ERCC8: variants seen among roughly 807,000 people sequenced by gnomAD.
ERCC8 encodes the protein DNA excision repair protein ERCC-8.
A neutral mutation model predicts 54.9 loss-of-function variants in ERCC8; 52 were observed. That is an observed-to-expected ratio of 0.95 (90% confidence interval 0.76 to 1.19). ERCC8 has a LOEUF of 1.19. Among genes scored for constraint, ERCC8 ranks in the 50% most tolerant of loss-of-function variants. The probability of loss-of-function intolerance (pLI) is 0.00; values close to 1 mark genes in which losing one functional copy is unlikely to be tolerated. For synonymous variants in ERCC8, 146 were observed against 157.2 expected (o/e 0.93, Z 0.53); for missense variants, 514 against 466.1 (o/e 1.10, Z -0.95).
chr5:60,938,807 G>C (rs1750170763), intron 1 of ERCC8, among the ~76,000 whole-genome samples: 1 of 152,074 alleles, frequency 6.6e-6, no homozygotes. Flanking sequence ...TATATATGTA[G>C]CTTTATATAA....
chr5:60,940,947 C>T (rs1267012866), intron 1 of ERCC8, among the ~76,000 whole-genome samples: 1 of 152,112 alleles, frequency 6.6e-6, no homozygotes. Flanking sequence ...ACAAACAAAA[C>T]AAGCCAAAGC....
At position 60,874,433 on chromosome 5, in the gene ERCC8, TA is replaced by T; in HGVS notation, c.*181del. ...GATCAAGGAACACATTTTGACTAAA[TA>T]AACTATACAGAAGTCTGTTTTAGGA... On this transcript the variant is annotated 3_prime_UTR_variant, in exon 12 of 12. Transcript: ENST00000676185. 1.7e-6 allele frequency: 1 copy of T among 600,290 alleles called. No individual in the cohort carries two copies. The highest frequency in any genetic ancestry group is 2.9e-6 in the Non-Finnish European group (1 of 340,918). 37.2% of individuals were successfully genotyped at this position (600,290 alleles called of 1,614,324 possible).
At position 60,913,899 on chromosome 5, in the gene ERCC8, G is replaced by A. The variant is rs367990538; in HGVS notation, c.399+4366C>T. Among the ~76,000 whole-genome samples the A allele has an allele frequency of 1.6e-3, 238 of 152,200 alleles. 3 individuals carry two copies. Among genetic ancestry groups the A allele is most frequent in the African/African-American group, 5.6e-3 (231 of 41,494 alleles). On this transcript the variant is annotated intron_variant, in intron 4 of 11. Coordinates refer to ENST00000676185, the MANE Select transcript of ERCC8 (RefSeq NM_000082.4). ...TTGTTCAGTTCCCACGCAGTTGTGT[G>A]GTTTTGAGTTAGTTTCTTAATCCTG...
At chr5:60,932,953 C>T (rs1038800777) in intron 1 of ERCC8, among the ~76,000 whole-genome samples, 1 of 152,130 alleles carries the variant, frequency 6.6e-6, no homozygotes, top group African/African-American at 2.4e-5. Context: ...CTTTTAAAAT[C>T]ACCTTTCCAA....
intron 4 of ERCC8, among the ~76,000 whole-genome samples, chr5:60,908,814 A>G (rs1298620396): frequency 2.6e-5 from 4 of 152,116 alleles, no homozygotes; most frequent in Admixed American, 6.6e-5. Flanking sequence ...CATTATGAAA[A>G]AAGAAAATTT....
At chr5:60,880,984 T>G (rs535766968) in intron 11 of ERCC8, among the ~76,000 whole-genome samples, 3 of 152,228 alleles carry the variant, frequency 2.0e-5, no homozygotes, top group East Asian at 1.9e-4. Context: ...TTTTTCCCCA[T>G]CTTTGTGGTT....
chr5:60,927,066 A>G (rs1339285579), intron 2 of ERCC8, among the ~76,000 whole-genome samples: 2 of 152,244 alleles, frequency 1.3e-5, no homozygotes, highest in Non-Finnish European at 2.9e-5. Flanking sequence ...AAATTAACTT[A>G]GAAGAATTTA....
In ERCC8 at chr5:60,945,022, A is replaced by T. The variant is rs1171364657; in HGVS notation, c.-14T>A. 1 of 1,611,798 alleles carries T rather than the reference A, an allele frequency of 6.2e-7. No individual in the cohort carries two copies. The highest frequency in any genetic ancestry group is 1.3e-5 in the African/African-American group (1 of 74,980). ...AAACCCCAGCATATCGTGTCCTCAC[A>T]CCGGCTGGAGCACTGGACGTCGCCA... On this transcript the variant is annotated 5_prime_UTR_variant, in exon 1 of 12. Coordinates refer to ENST00000676185, the MANE Select transcript of ERCC8 (RefSeq NM_000082.4).
chr5:60,875,305 G>A (rs948069293), intron 11 of ERCC8, among the ~76,000 whole-genome samples: 2 of 152,166 alleles, frequency 1.3e-5, no homozygotes, highest in Non-Finnish European at 2.9e-5. Flanking sequence ...AGTAAAACAT[G>A]CAAAATACGT....
intron 2 of ERCC8, among the ~76,000 whole-genome samples, chr5:60,925,203 C>T (rs542713219): frequency 1.6e-4 from 25 of 152,244 alleles, no homozygotes; most frequent in African/African-American, 5.8e-4. Flanking sequence ...TCCTCTTCTT[C>T]CCTTAAAAAT....
chr5:60,933,985 T>C (rs920190297), intron 1 of ERCC8, among the ~76,000 whole-genome samples: 1 of 152,178 alleles, frequency 6.6e-6, no homozygotes, highest in Non-Finnish European at 1.5e-5. Flanking sequence ...CACTTGTTGA[T>C]TGATATGCAT....
intron 11 of ERCC8, among the ~76,000 whole-genome samples, chr5:60,883,360 A>G (rs1004837265): frequency 1.3e-5 from 2 of 152,226 alleles, no homozygotes; most frequent in Non-Finnish European, 2.9e-5. Context: ...TTACCATTTG[A>G]GACCCACTGA....
chr5:60,918,319 G>A lies in ERCC8; in HGVS notation c.345C>T (p.Phe115=). 6.3e-7 allele frequency: 1 copy of A among 1,590,472 alleles called. No individual in the cohort carries two copies. Among genetic ancestry groups the A allele is most frequent in the Non-Finnish European group, 8.6e-7 (1 of 1,158,958 alleles). Residue 115 remains phenylalanine, a synonymous_variant, in exon 4 of 12, where the codon TTC becomes TTT. Coordinates refer to ENST00000676185, the MANE Select transcript of ERCC8 (RefSeq NM_000082.4). ...GAGTTTTATCAAATGAGCTTGATGTGAACATGCCAGTGTCATGAGGATACC... is the reference window on the plus strand; with the variant it reads ...GAGTTTTATCAAATGAGCTTGATGTAAACATGCCAGTGTCATGAGGATACC... ...VQWYPHDTGM[F]TSSSFDKTLK... is the part of the protein sequence containing the mutation.
In ERCC8 at chr5:60,870,778, G is replaced by T. The variant is rs537651805; in HGVS notation, c.*3837C>A. On this transcript the variant is annotated 3_prime_UTR_variant, in exon 12 of 12. Transcript: ENST00000676185. Reference sequence around the variant, plus strand: ...AGCAACAATTAGACAAATATTAGAAGAAAATATACCTGAGCTGAGAAAAGG... The same window carrying T: ...AGCAACAATTAGACAAATATTAGAATAAAATATACCTGAGCTGAGAAAAGG... 6.6e-6 allele frequency among the ~76,000 whole-genome samples: 1 copy of T among 152,058 alleles called. No individual in the cohort carries two copies. Among genetic ancestry groups the T allele is most frequent in the East Asian group, 1.9e-4 (1 of 5,184 alleles).
At chr5:60,912,268 T>C (rs552778595) in intron 4 of ERCC8, among the ~76,000 whole-genome samples, 55 of 152,272 alleles carry the variant, frequency 3.6e-4, no homozygotes, top group African/African-American at 1.3e-3. Flanking sequence ...TTTATTTCAT[T>C]GAGCAGTGGT....
chr5:60,892,620 T>C, intron 9 of ERCC8: 2 of 664,308 alleles, frequency 3.0e-6, no homozygotes, highest in Non-Finnish European at 2.8e-6. Flanking sequence ...GAGAAGGTAA[T>C]AGTTGGAAAT....
rs139458408 is a variant in ERCC8, at chr5:60,937,590, C to A, written c.77+7342G>T. Among the ~76,000 whole-genome samples the A allele has an allele frequency of 8.7e-4, 133 of 152,290 alleles. 1 individual carries two copies. Among genetic ancestry groups the A allele is most frequent in the African/African-American group, 3.1e-3 (129 of 41,544 alleles). On this transcript the variant is annotated intron_variant, in intron 1 of 11. Coordinates refer to ENST00000676185, the MANE Select transcript of ERCC8 (RefSeq NM_000082.4). ...AAGGAAGTTGGGGAAGGCCGGCAGC[C>A]AAAGGCTTCACCCAGCTCCCATGCA...
At position 60,872,584 on chromosome 5, in the gene ERCC8, G is replaced by A. The variant is rs1477845638; in HGVS notation, c.*2031C>T. On this transcript the variant is annotated 3_prime_UTR_variant, in exon 12 of 12. Transcript: ENST00000676185. ...AGGGAAATGCAAATTAAAACAACGA[G>A]ATACCACCTAACACCTGTTAGAATG... 6.6e-6 allele frequency among the ~76,000 whole-genome samples: 1 copy of A among 152,090 alleles called. No homozygotes were observed. Among genetic ancestry groups the A allele is most frequent in the Non-Finnish European group, 1.5e-5 (1 of 68,024 alleles).
intron 1 of ERCC8, among the ~76,000 whole-genome samples, chr5:60,933,060 T>TA (rs1749956007): frequency 6.6e-6 from 1 of 152,204 alleles, no homozygotes; most frequent in South Asian, 2.1e-4. Flanking sequence ...TTAAATATTT[T>TA]ATCAGTCTCT....
Sources: allele counts gnomAD v4.1 joint callset (sites outside exome capture counted in the v4.1 genomes callset), GRCh38; gene constraint gnomAD v4.1.1; transcripts MANE v1.5; gene names NCBI Gene and HGNC (gene_info 2026-07-23, HGNC 2026-07-21).